RCHY1: variants seen among roughly 807,000 people sequenced by gnomAD.
RCHY1 encodes ring finger and CHY zinc finger domain containing 1.
Under a neutral mutation model 41.6 loss-of-function variants are expected in RCHY1, and 21 were observed. That is an observed-to-expected ratio of 0.51 (90% confidence interval 0.36 to 0.73). The LOEUF (loss-of-function observed/expected upper bound fraction) is 0.73. RCHY1 is among the 30% of genes least tolerant of loss of function. The probability of loss-of-function intolerance (pLI) is 0.00; values close to 1 mark genes in which losing one functional copy is unlikely to be tolerated. For synonymous variants in RCHY1, 79 were observed against 102.9 expected, an observed-to-expected ratio of 0.77 and a Z score of 1.41; for missense variants, 265 against 325.3, an observed-to-expected ratio of 0.81 and a Z score of 1.43.
rs1321594310 is a variant in RCHY1, at chr4:75,479,954, T to C, written c.*2584A>G. On this transcript the variant is annotated 3_prime_UTR_variant, in exon 9 of 9. Coordinates refer to ENST00000324439, the MANE Select transcript of RCHY1 (RefSeq NM_015436.4). ...TGAGAGTTTTTTACCTTCTTTCTTA[T>C]AGAGGTATAACCTATACTTATGAAG... is the stretch of plus-strand genomic sequence containing the variant. The C allele has an allele frequency of 1.3e-5, 2 of 152,212 alleles. No homozygotes were observed. The highest frequency in any genetic ancestry group is 1.9e-4 in the East Asian group (1 of 5,198). The allele number at this position is 152,212 out of a possible 1,614,324, so 9.4% of individuals were successfully genotyped here. A position where few individuals can be genotyped will look rare whatever the true frequency, so the allele number is the denominator to read the frequency against.
intron 1 of RCHY1, among the ~76,000 whole-genome samples, chr4:75,510,617 C>T (rs577189958): frequency 1.4e-4 from 22 of 152,246 alleles, no homozygotes; most frequent in South Asian, 8.3e-4. Flanking sequence ...ATAGTTATAC[C>T]GCAGAACAGT....
chr4:75,502,936 A>C (rs904675573), intron 3 of RCHY1, among the ~76,000 whole-genome samples: 2 of 152,166 alleles, frequency 1.3e-5, no homozygotes, highest in African/African-American at 4.8e-5. Flanking sequence ...GTTTTCCTTG[A>C]ACACAGTTGA....
chr4:75,494,154 G>A lies in RCHY1; in HGVS notation c.352C>T (p.His118Tyr). ...CRIGPKEDFFHCLKCNLCLAM... is the reference protein window; with the variant it reads ...CRIGPKEDFFYCLKCNLCLAM... Reference sequence around the variant, plus strand: ...AGGCATAAGTTACATTTCAAACAATGGAAAAAATCTTCCTTTGGACCAATC... The same window carrying A: ...AGGCATAAGTTACATTTCAAACAATAGAAAAAATCTTCCTTTGGACCAATC... Residue 118 changes from histidine to tyrosine, a missense_variant, in exon 4 of 9, where the codon CAT becomes TAT. Physicochemically the swap from His to Tyr is moderately conservative, Grantham distance 83. Coordinates refer to ENST00000324439, the MANE Select transcript of RCHY1 (RefSeq NM_015436.4). The A allele has an allele frequency of 6.4e-7, 1 of 1,564,012 alleles. No individual in the cohort carries two copies. The highest frequency in any genetic ancestry group is 1.2e-5 in the South Asian group (1 of 83,354).
At chr4:75,514,433 G>A, upstream of RCHY1, 4 of 894,316 alleles carry the variant, frequency 4.5e-6, no homozygotes, top group South Asian at 2.1e-5. Flanking sequence ...CGGGGCAGAC[G>A]GATTTCCGGT....
At chr4:75,491,441 A>T (rs1431377816) in intron 7 of RCHY1, 170 bp downstream of exon 7, 1 of 582,676 alleles carries the variant, frequency 1.7e-6, no homozygotes, top group East Asian at 2.9e-5. Context: ...GTAGTTCTAT[A>T]TCCAAGACAC....
chr4:75,486,316 T>C (rs1721999143), intron 8 of RCHY1, among the ~76,000 whole-genome samples: 1 of 152,146 alleles, frequency 6.6e-6, no homozygotes, highest in Non-Finnish European at 1.5e-5. Flanking sequence ...TAATTTAAAA[T>C]CTTATAGTCA....
At chr4:75,508,741 C>A (rs1359043264) in intron 3 of RCHY1, 79 bp downstream of exon 3, 5 of 742,724 alleles carry the variant, frequency 6.7e-6, no homozygotes, top group Non-Finnish European at 1.1e-5. Context: ...GTAAATTACA[C>A]CTTAATAAAG....
chr4:75,499,030 T>C (rs1284640832), intron 3 of RCHY1, among the ~76,000 whole-genome samples: 1 of 151,978 alleles, frequency 6.6e-6, no homozygotes, highest in Admixed American at 6.6e-5. Context: ...TTGCAAACTA[T>C]CCACCTGACA....
At chr4:75,484,434 G>A (rs1441178467) in intron 8 of RCHY1, among the ~76,000 whole-genome samples, 2 of 152,082 alleles carry the variant, frequency 1.3e-5, no homozygotes, top group Admixed American at 1.3e-4. Flanking sequence ...TGACTGGGTC[G>A]GGCAGAAGCA....
At chr4:75,483,439 G>T (rs539467040) in intron 8 of RCHY1, among the ~76,000 whole-genome samples, 1 of 152,090 alleles carries the variant, frequency 6.6e-6, no homozygotes, top group Non-Finnish European at 1.5e-5. Context: ...CCTAGGCCTG[G>T]GGCGTTAGGG....
At chr4:75,491,497 T>C (rs1578213579) in intron 7 of RCHY1, 114 bp downstream of exon 7, 1 of 898,120 alleles carries the variant, frequency 1.1e-6, no homozygotes, top group South Asian at 1.7e-5. Context: ...CATTTCAATA[T>C]AAATATTGCC....
chr4:75,505,541 TAACAC>T (rs1198764724), intron 3 of RCHY1, among the ~76,000 whole-genome samples: 1 of 151,472 alleles, frequency 6.6e-6, no homozygotes, highest in African/African-American at 2.4e-5. Flanking sequence ...ATATACAAAA[TAACAC>T]TACAAAAGTG....
chr4:75,480,676 T>G lies in RCHY1; in HGVS notation c.*1862A>C, dbSNP rs190138702. ...GATTCAATGATTAAAAACAATAACA[T>G]GATTGGTTTGGCAGAATAATACCAA... On this transcript the variant is annotated 3_prime_UTR_variant, in exon 9 of 9. Coordinates refer to ENST00000324439, the MANE Select transcript of RCHY1 (RefSeq NM_015436.4). 1.3e-5 allele frequency: 2 copies of G among 152,304 alleles called. No individual in the cohort carries two copies. Among genetic ancestry groups the G allele is most frequent in the East Asian group, 3.9e-4 (2 of 5,194 alleles). The allele number at this position is 152,304 out of a possible 1,614,324, so 9.4% of individuals were successfully genotyped here. A position where few individuals can be genotyped will look rare whatever the true frequency, so the allele number is the denominator to read the frequency against.
chr4:75,491,856 A>G (rs772909394), intron 5 of RCHY1, 33 bp downstream of exon 5: 5 of 1,604,682 alleles, frequency 3.1e-6, no homozygotes, highest in Middle Eastern at 1.7e-4. Context: ...TCAAGAGCTG[A>G]GACTTCCAAA....
rs1306988066 is a variant in RCHY1 at position 75,479,985 on chromosome 4, G to A, written c.*2553C>T. ...TATAACCTATACTTATGAAGTCAGA[G>A]AAAGAAAAAATATTTAAGGGTAAAG... On this transcript the variant is annotated 3_prime_UTR_variant, in exon 9 of 9. Coordinates refer to ENST00000324439, the MANE Select transcript of RCHY1 (RefSeq NM_015436.4). The A allele has an allele frequency of 6.6e-6, 1 of 152,102 alleles. No homozygotes were observed. The highest frequency in any genetic ancestry group is 6.5e-5 in the Admixed American group (1 of 15,270). The allele number at this position is 152,102 out of a possible 1,614,324, so 9.4% of individuals were successfully genotyped here.
chr4:75,508,832 C>T lies in RCHY1; in HGVS notation c.314G>A (p.Cys105Tyr). 1 of 1,593,866 alleles carries T rather than the reference C, an allele frequency of 6.3e-7. No homozygotes were observed. The highest frequency in any genetic ancestry group is 8.6e-7 in the Non-Finnish European group (1 of 1,167,984). Residue 105 changes from cysteine (C) to tyrosine (Y), a missense_variant, in exon 3 of 9, where the codon TGT (cysteine) becomes TAT (tyrosine). By Grantham distance (194) the Cys-to-Tyr change is radical (BLOSUM62 -2). Transcript: ENST00000324439. ...KDKKQYHCEN[C>Y]GICRIGPKED... ...TTACATACAGTACCTACAAATTCCA[C>T]AGTTTTCACAGTGATACTGCTTCTT...
intron 4 of RCHY1, 41 bp from the exon 5 acceptor site, chr4:75,491,974 G>A: frequency 2.1e-6 from 3 of 1,424,308 alleles, no homozygotes; most frequent in South Asian, 1.4e-5. Context: ...AGCTTAACTA[G>A]ATTAAAATGT....
chr4:75,487,563 A>ATAATATATATATTCATAATATATTCC (rs1722185299), intron 8 of RCHY1, among the ~76,000 whole-genome samples: 4 of 95,452 alleles, frequency 4.2e-5, no homozygotes, highest in Non-Finnish European at 7.4e-5. Flanking sequence ...TAATATATTC[A>ATAATATATATATTCATAATATATTCC]TAATATATAT....
At chr4:75,489,645 T>C (rs1216441931) in intron 8 of RCHY1, among the ~76,000 whole-genome samples, 4 of 152,328 alleles carry the variant, frequency 2.6e-5, no homozygotes, top group Admixed American at 2.0e-4. Flanking sequence ...TACCTAATAA[T>C]AAATAGAATC....
Sources: gnomAD v4.1 joint callset for allele counts (sites outside exome capture counted in the v4.1 genomes callset) on GRCh38, gnomAD v4.1.1 for gene constraint, MANE v1.5 for transcripts, NCBI Gene and HGNC (gene_info 2026-07-23, HGNC 2026-07-21) for gene names.